Variants in EPM2A observed in about 807,000 individuals in gnomAD.
The protein encoded by EPM2A is laforin.
Under a neutral mutation model 26.5 loss-of-function variants are expected in EPM2A, and 21 were observed. The ratio of observed to expected loss-of-function variants is 0.79; its 90% confidence interval spans 0.56 to 1.14. The LOEUF is 1.14. Among genes scored for constraint, EPM2A ranks in the 50% most tolerant of loss-of-function variants. The pLI is 0.00. For missense variants in EPM2A, 458 were observed against 440.8 expected (o/e 1.04, Z -0.35); for synonymous variants, 217 against 177.6 (o/e 1.22, Z -1.76).
chr6:145,671,414 G>A, intron 2 of EPM2A: 1 of 992,426 alleles, frequency 1.0e-6, no homozygotes, highest in Non-Finnish European at 1.2e-6. Context: ...AAGCAGAGAA[G>A]CTGATATGAA....
At chr6:145,574,661 G>T (rs9322028) in intron 2 of EPM2A, among the ~76,000 whole-genome samples, 65,247 of 151,952 alleles carry the variant, frequency 0.43, 14,565 homozygotes, top group African/African-American at 0.52. Context: ...CTAAGCCTTT[G>T]GATCCCTTCC....
intron 2 of EPM2A, among the ~76,000 whole-genome samples, chr6:145,661,475 G>A (rs1265232592): frequency 6.6e-6 from 1 of 152,174 alleles, no homozygotes; most frequent in Non-Finnish European, 1.5e-5. Context: ...CTTTCTGAAA[G>A]TGAAGAACAC....
At chr6:145,441,149 C>A (rs1183936074) in intron 4 of EPM2A, among the ~76,000 whole-genome samples, 1 of 152,236 alleles carries the variant, frequency 6.6e-6, no homozygotes, top group Non-Finnish European at 1.5e-5. Flanking sequence ...AATCACAATT[C>A]TTGACTTTCA....
intron 4 of EPM2A, among the ~76,000 whole-genome samples, chr6:145,494,357 A>G (rs1345771753): frequency 6.6e-6 from 1 of 151,872 alleles, no homozygotes; most frequent in African/African-American, 2.4e-5. Flanking sequence ...GATTGTGTTT[A>G]TTTGGATCTT....
At chr6:145,694,616 A>G (rs1341234538) in intron 1 of EPM2A, among the ~76,000 whole-genome samples, 1 of 152,028 alleles carries the variant, frequency 6.6e-6, no homozygotes, top group Non-Finnish European at 1.5e-5. Flanking sequence ...AGAAGAAGGA[A>G]AGGTGAGATG....
intron 1 of EPM2A, among the ~76,000 whole-genome samples, chr6:145,713,961 G>A (rs780934596): frequency 6.6e-6 from 1 of 152,156 alleles, no homozygotes; most frequent in Non-Finnish European, 1.5e-5. Flanking sequence ...ATTAACATTA[G>A]TGAAAGCAGC....
Position 145,386,362 on chromosome 6 carries a change from A to G in EPM2A, c.556-2265T>C, listed in dbSNP as rs187134888. 2.1e-3 allele frequency among the ~76,000 whole-genome samples: 317 copies of G among 152,122 alleles called. 3 individuals carry two copies. Among genetic ancestry groups the G allele is most frequent in the African/African-American group, 7.1e-3 (293 of 41,526 alleles). ...AGAAAAACTATATTTAAAACGAGGG[A>G]AAAAAAGCTTTTGTATATCACCCGA... On this transcript the variant is annotated intron_variant, in intron 4 of 4. Coordinates refer to the EPM2A transcript ENST00000638717.
At chr6:145,481,206 T>C (rs900243807) in intron 4 of EPM2A, among the ~76,000 whole-genome samples, 1 of 152,194 alleles carries the variant, frequency 6.6e-6, no homozygotes, top group Non-Finnish European at 1.5e-5. Context: ...TAATCTTTTA[T>C]ATCCTTTGGA....
At chr6:145,505,240 T>C (rs1488233566) in intron 2 of EPM2A, among the ~76,000 whole-genome samples, 4 of 123,456 alleles carry the variant, frequency 3.2e-5, no homozygotes, top group Admixed American at 1.5e-4. Context: ...AAACTTAAAG[T>C]ATAATTAAAA....
At chr6:145,490,673 T>A (rs1210783158) in intron 4 of EPM2A, 4 of 613,032 alleles carry the variant, frequency 6.5e-6, no homozygotes, top group Non-Finnish European at 9.4e-6. Flanking sequence ...GAGTGTGATT[T>A]CATGCGTTCC....
intron 2 of EPM2A, among the ~76,000 whole-genome samples, chr6:145,676,071 A>T (rs1028541973): frequency 2.6e-5 from 4 of 152,176 alleles, no homozygotes; most frequent in African/African-American, 7.2e-5. Flanking sequence ...ATCACAACAA[A>T]CTGTCTCTCA....
intron 2 of EPM2A, among the ~76,000 whole-genome samples, chr6:145,550,705 C>G (rs1035783773): frequency 6.6e-6 from 1 of 151,962 alleles, no homozygotes; most frequent in Admixed American, 6.6e-5. Context: ...ATGAAGACAA[C>G]AAGGATGAAG....
intron 2 of EPM2A, among the ~76,000 whole-genome samples, chr6:145,605,489 A>C (rs1356203723): frequency 1.3e-5 from 2 of 152,156 alleles, no homozygotes; most frequent in African/African-American, 4.8e-5. Flanking sequence ...TGTCTGAAAC[A>C]GAGCTACACT....
chr6:145,506,766 C>T (rs1381861117), intron 2 of EPM2A, among the ~76,000 whole-genome samples: 2 of 152,190 alleles, frequency 1.3e-5, no homozygotes, highest in Non-Finnish European at 2.9e-5. Context: ...CAGCTGCAGT[C>T]CTTGGATCTG....
At chr6:145,494,921 A>G (rs571083297) in intron 4 of EPM2A, among the ~76,000 whole-genome samples, 18 of 152,184 alleles carry the variant, frequency 1.2e-4, no homozygotes, top group African/African-American at 4.3e-4. Flanking sequence ...TATGTGATTG[A>G]TTTTAGAGTA....
intron 4 of EPM2A, among the ~76,000 whole-genome samples, chr6:145,444,252 T>C (rs1431759103): frequency 6.6e-6 from 1 of 152,192 alleles, no homozygotes; most frequent in East Asian, 1.9e-4. Flanking sequence ...TAAATGGCTG[T>C]CATTATTTTG....
chr6:145,717,792 A>G (rs1206911390), intron 1 of EPM2A, among the ~76,000 whole-genome samples: 32 of 148,960 alleles, frequency 2.1e-4, no homozygotes, highest in East Asian at 6.0e-4. Flanking sequence ...AAATCAATGT[A>G]CAAAAATCAC....
intron 3 of EPM2A, among the ~76,000 whole-genome samples, chr6:145,632,772 A>AT (rs1389896439): frequency 3.3e-5 from 5 of 152,182 alleles, no homozygotes; most frequent in African/African-American, 7.2e-5. Context: ...CTATGTGTTC[A>AT]TTGGGCTAAT....
intron 4 of EPM2A, among the ~76,000 whole-genome samples, chr6:145,450,989 G>T (rs1208592921): frequency 3.9e-5 from 6 of 151,916 alleles, no homozygotes; most frequent in African/African-American, 1.5e-4. Flanking sequence ...GCCAATCTAT[G>T]GTTCCTCTGG....
Sources: gnomAD v4.1 joint callset for allele counts (sites outside exome capture counted in the v4.1 genomes callset) on GRCh38, gnomAD v4.1.1 for gene constraint, MANE v1.5 for transcripts, NCBI Gene and HGNC (gene_info 2026-07-23, HGNC 2026-07-21) for gene names.